The following C8orf82 variants were observed in gnomAD, a reference collection of about 807,000 sequenced individuals.
C8orf82 encodes UPF0598 protein C8orf82.
In C8orf82, 24 loss-of-function variants were observed where a neutral mutation model predicts 15.0. That is an observed-to-expected ratio of 1.60 (90% CI 1.16 to 2.24). The LOEUF (loss-of-function observed/expected upper bound fraction) is 2.24. Ranked by LOEUF, C8orf82 falls within the 30% of genes most tolerant of loss-of-function variation. The pLI, the probability that C8orf82 is intolerant of heterozygous loss-of-function variation, is 0.00. For missense variants in C8orf82, 388 were observed against 317.4 expected (o/e 1.22, Z -1.69); for synonymous variants, 205 against 152.2 (o/e 1.35, Z -2.55).
In C8orf82 at chr8:144,527,729, G is replaced by A. The variant is rs200173614; in HGVS notation, c.264C>T (p.Tyr88=). The stretch of plus-strand genomic sequence containing the variant: ...GCGAGAGGAAGGGGAAAGCGGCCTC[G>A]TAGCGCCCGCTGCGGTTGGGTCTCA... The part of the protein sequence containing the change: ...SRLRPNRSGR[Y]EAAFPFLSPC... Residue 88 remains tyrosine (Y), a synonymous_variant, in exon 3 of 3, where the codon TAC becomes TAT. Coordinates refer to ENST00000524821, the MANE Select transcript of C8orf82 (RefSeq NM_001001795.2). 22 of 1,592,552 alleles carry A rather than the reference G, an allele frequency of 1.4e-5. No individual in the cohort carries two copies. The highest frequency in any genetic ancestry group is 1.3e-4 in the South Asian group (12 of 90,236).
Position 144,526,317 on chromosome 8 carries a change from G to C in C8orf82, c.*1025C>G, listed in dbSNP as rs1245206095. The C allele has an allele frequency of 6.6e-6, 1 of 152,254 alleles. No homozygotes were observed. The highest frequency in any genetic ancestry group is 1.5e-5 in the Non-Finnish European group (1 of 68,056). 9.4% of individuals were successfully genotyped at this position (152,254 alleles called of 1,614,324 possible). A position where few individuals can be genotyped will look rare whatever the true frequency, so the allele number is the denominator to read the frequency against. The stretch of plus-strand genomic sequence containing the variant: ...GTGTGAACCCCAAGAAGTTGGGGGC[G>C]TTATCTGGGCCCTTGGGATCCATTC... On this transcript the variant is annotated 3_prime_UTR_variant, in exon 3 of 3. Transcript: ENST00000524821.
chr8:144,527,642 C>T lies in C8orf82; in HGVS notation c.351G>A (p.Leu117=), dbSNP rs1816419958. The T allele has an allele frequency of 1.3e-6, 2 of 1,542,200 alleles. No individual in the cohort carries two copies. The highest frequency in any genetic ancestry group is 8.7e-7 in the Non-Finnish European group (1 of 1,150,622). The change falls in exon 3 of 3, where the codon CTG becomes CTA. Residue 117 remains leucine (L), a synonymous_variant. Coordinates refer to ENST00000524821, the MANE Select transcript of C8orf82 (RefSeq NM_001001795.2). ...CEDRPVVFTH[L]LTADHGPPRL... ...GCGGAGGCCCGTGGTCCGCGGTCAGCAGGTGCGTGAAGACCACCGGCCGGT... is the reference window on the plus strand; with the variant it reads ...GCGGAGGCCCGTGGTCCGCGGTCAGTAGGTGCGTGAAGACCACCGGCCGGT...
At chr8:144,528,605 C>A (rs911611046) in intron 1 of C8orf82, 156 bp downstream of exon 1, 2 of 486,078 alleles carry the variant, frequency 4.1e-6, no homozygotes, top group South Asian at 2.6e-5. Flanking sequence ...GGTTGCCCAC[C>A]GCGCAGGCCC....
chr8:144,528,426 G>A (rs1233452022), intron 1 of C8orf82: 2 of 1,486,396 alleles, frequency 1.3e-6, no homozygotes, highest in South Asian at 1.2e-5. Flanking sequence ...AGGGCGGCCC[G>A]GGTGTCTCCC....
intron 1 of C8orf82, chr8:144,528,549 A>C: frequency 7.6e-7 from 1 of 1,318,762 alleles, no homozygotes. Context: ...GACCGACCCA[A>C]CTCCCCGTCT....
intron 1 of C8orf82, chr8:144,528,309 C>T: frequency 1.3e-6 from 2 of 1,510,392 alleles, no homozygotes; most frequent in Non-Finnish European, 1.8e-6. Context: ...CACCTTTTCC[C>T]TCTTTTCAAG....
chr8:144,528,149 C>T lies in C8orf82; in HGVS notation c.157-77G>A, dbSNP rs1816450919. 23 of 1,582,012 alleles carry T rather than the reference C, an allele frequency of 1.5e-5. No individual in the cohort carries two copies. The South Asian group carries it at 2.0e-4, about 14-fold the overall frequency. On this transcript the variant is annotated intron_variant, in intron 1 of 2. Coordinates refer to ENST00000524821, the MANE Select transcript of C8orf82 (RefSeq NM_001001795.2). The stretch of plus-strand genomic sequence containing the variant: ...GGGAAGCTCAGGAGGTCCTGAAGCT[C>T]GGGAGGTCCTGAACCGGCCCGAGCC...
chr8:144,527,869 G>T (rs779348895), intron 2 of C8orf82, 82 bp from the exon 3 acceptor site: 2 of 1,533,360 alleles, frequency 1.3e-6, no homozygotes, highest in East Asian at 4.5e-5. Context: ...GGCAGGCGCC[G>T]ACGGTAAGAG....
Position 144,528,795 on chromosome 8 carries a change from C to A in C8orf82, c.122G>T (p.Arg41Leu). Residue 41 changes from arginine (R) to leucine (L), a missense_variant, in exon 1 of 3, where the codon CGC becomes CTC. By Grantham distance (102) the Arg-to-Leu change is moderately radical. Coordinates refer to ENST00000524821, the MANE Select transcript of C8orf82 (RefSeq NM_001001795.2). ...GTGGTCCACGTAGTAGAAATACTCG[C>A]GGGTCCGCGGCTCCGGACTCTGGCC... ...TQGQSPEPRT[R>L]EYFYYVDHQG... 2 of 1,459,088 alleles carry A rather than the reference C, an allele frequency of 1.4e-6. No individual in the cohort carries two copies. Among genetic ancestry groups the A allele is most frequent in the Middle Eastern group, 2.0e-4 (1 of 4,908 alleles). The allele number at this position is 1,459,088 out of a possible 1,614,324, so 90.4% of individuals were successfully genotyped here. A position where few individuals can be genotyped will look rare whatever the true frequency, so the allele number is the denominator to read the frequency against.
At chr8:144,528,126 G>T in intron 1 of C8orf82, 54 bp from the exon 2 acceptor site, 4 of 1,597,142 alleles carry the variant, frequency 2.5e-6, no homozygotes, top group Non-Finnish European at 3.4e-6. Flanking sequence ...TGGGGGCGGG[G>T]AAGCTCAGGA....
At position 144,527,393 on chromosome 8, in the gene C8orf82, G is replaced by A. The variant is rs1482018503; in HGVS notation, c.600C>T (p.Leu200=). The stretch of plus-strand genomic sequence containing the variant: ...GCGGGGCCAGGTCCATGGTGAGGGC[G>A]AGGCGGCGGCCCTGCCAGCGCACGT... ...PSHVRWQGRR[L]ALTMDLAPLL... is the part of the protein sequence containing the mutation. The change falls in exon 3 of 3, where the codon CTC becomes CTT. Residue 200 remains leucine (L), a synonymous_variant. Transcript: ENST00000524821. 8.1e-7 allele frequency: 1 copy of A among 1,242,064 alleles called. No homozygotes were observed. Among genetic ancestry groups the A allele is most frequent in the Non-Finnish European group, 1.0e-6 (1 of 988,000 alleles). 76.9% of individuals were successfully genotyped at this position (1,242,064 alleles called of 1,614,324 possible). A position where few individuals can be genotyped will look rare whatever the true frequency, so the allele number is the denominator to read the frequency against.
rs779418280 is a variant in C8orf82 at position 144,528,992 on chromosome 8, G to A, written c.-76C>T. ...CGCGAACTCGCGCCTGCCCGCAGTA[G>A]CCCCGCGCTTCGCGTTCCGGCGGCG... On this transcript the variant is annotated 5_prime_UTR_variant, in exon 1 of 3. Transcript: ENST00000524821. 4 of 1,362,160 alleles carry A rather than the reference G, an allele frequency of 2.9e-6. No homozygotes were observed. The highest frequency in any genetic ancestry group is 3.3e-5 in the South Asian group (2 of 60,942). The allele number at this position is 1,362,160 out of a possible 1,614,324, so 84.4% of individuals were successfully genotyped here.
chr8:144,529,068 G>A lies in C8orf82; in HGVS notation c.-152C>T, dbSNP rs1053873478. 1.3e-6 allele frequency: 1 copy of A among 741,600 alleles called. No individual in the cohort carries two copies. The highest frequency in any genetic ancestry group is 1.9e-6 in the Non-Finnish European group (1 of 516,836). The allele number at this position is 741,600 out of a possible 1,614,324, so 45.9% of individuals were successfully genotyped here. On this transcript the variant is annotated 5_prime_UTR_variant, in exon 1 of 3. Coordinates refer to ENST00000524821, the MANE Select transcript of C8orf82 (RefSeq NM_001001795.2). ...GCTCTTCCCTCTCCCTCGGGCCTCG[G>A]GGGCTCGCCCGCCCTGGCCTTCCGA... is the stretch of plus-strand genomic sequence containing the variant.
chr8:144,528,591 T>A, intron 1 of C8orf82, 170 bp downstream of exon 1: 1 of 1,152,090 alleles, frequency 8.7e-7, no homozygotes, highest in Non-Finnish European at 1.1e-6. Flanking sequence ...CTCTGAGGAG[T>A]CGAGGTTGCC....
chr8:144,528,792 T>TCGCGGGTC lies in C8orf82; in HGVS notation c.117_124dup (p.Glu42GlyfsTer22). 2 of 1,416,266 alleles carry TCGCGGGTC rather than the reference T, an allele frequency of 1.4e-6. No individual in the cohort carries two copies. Among genetic ancestry groups the TCGCGGGTC allele is most frequent in the South Asian group, 1.4e-5 (1 of 70,814 alleles). The allele number at this position is 1,416,266 out of a possible 1,614,324, so 87.7% of individuals were successfully genotyped here. ...CTGGTGGTCCACGTAGTAGAAATAC[T>TCGCGGGTC]CGCGGGTCCGCGGCTCCGGACTCTG... On this transcript the variant is annotated frameshift_variant, in exon 1 of 3. Coordinates refer to ENST00000524821, the MANE Select transcript of C8orf82 (RefSeq NM_001001795.2). LOFTEE classifies it high-confidence loss of function.
intron 1 of C8orf82, 132 bp downstream of exon 1, chr8:144,528,629 A>AC (rs1371508080): frequency 2.9e-4 from 8 of 27,198 alleles, no homozygotes; most frequent in Non-Finnish European, 5.3e-4. Flanking sequence ...CCACCCACCC[A>AC]CCCCCTGGAA....
chr8:144,527,407 G>A lies in C8orf82; in HGVS notation c.586C>T (p.Gln196Ter). The A allele has an allele frequency of 8.1e-7, 1 of 1,242,094 alleles. No individual in the cohort carries two copies. Among genetic ancestry groups the A allele is most frequent in the South Asian group, 2.3e-5 (1 of 44,358 alleles). 76.9% of individuals were successfully genotyped at this position (1,242,094 alleles called of 1,614,324 possible). The stretch of plus-strand genomic sequence containing the variant: ...ATGGTGAGGGCGAGGCGGCGGCCCT[G>A]CCAGCGCACGTGCGAGGGCAGCGCA... ...APALPSHVRW[Q>*]GRRLALTMDL... The change falls in exon 3 of 3, where the codon CAG becomes TAG. Residue 196 changes from glutamine (Q) to a stop codon, truncating the protein, a stop_gained. Coordinates refer to ENST00000524821, the MANE Select transcript of C8orf82 (RefSeq NM_001001795.2). LOFTEE classifies it high-confidence loss of function.
chr8:144,528,097 A>G lies in C8orf82; in HGVS notation c.157-25T>C, dbSNP rs752362129. ...GCTGCAGATAGAGGGCCAGGCCGTG[A>G]TAAGTCCCAGCGTGCAGGTGGGGGC... On this transcript the variant is annotated intron_variant, in intron 1 of 2. Coordinates refer to ENST00000524821, the MANE Select transcript of C8orf82 (RefSeq NM_001001795.2). 4.2e-5 allele frequency: 68 copies of G among 1,611,666 alleles called. 1 individual carries two copies. In the South Asian group the frequency reaches 6.5e-4, roughly 15 times the overall value.
chr8:144,525,841 G>A lies in C8orf82; in HGVS notation c.*1501C>T, dbSNP rs914358906. 6.6e-6 allele frequency: 1 copy of A among 152,260 alleles called. No individual in the cohort carries two copies. The highest frequency in any genetic ancestry group is 2.4e-5 in the African/African-American group (1 of 41,448). The allele number at this position is 152,260 out of a possible 1,614,324, so 9.4% of individuals were successfully genotyped here. ...GCCTTGGGCCACCAACTGGGTTTCT[G>A]GTGTGGCTTCCCAAGTGGGCTCTGG... On this transcript the variant is annotated 3_prime_UTR_variant, in exon 3 of 3. Coordinates refer to ENST00000524821, the MANE Select transcript of C8orf82 (RefSeq NM_001001795.2).
Sources: gnomAD v4.1 joint callset for allele counts on GRCh38, gnomAD v4.1.1 for gene constraint, MANE v1.5 for transcripts, NCBI Gene and HGNC (gene_info 2026-07-23, HGNC 2026-07-21) for gene names.